The following ZSWIM6 variants were observed in gnomAD, a reference collection of about 807,000 sequenced individuals.
The protein encoded by ZSWIM6 is zinc finger SWIM domain-containing protein 6.
Under a neutral mutation model 113.2 loss-of-function variants are expected in ZSWIM6, and 9 were observed. That is an observed-to-expected ratio of 0.08 (90% confidence interval 0.05 to 0.14). The LOEUF (loss-of-function observed/expected upper bound fraction) is 0.14, where lower values mean the gene tolerates loss of function less well. ZSWIM6 is among the 10% of genes least tolerant of loss of function. ZSWIM6 has a pLI of 1.00. For missense variants in ZSWIM6, 1,162 were observed against 1,552.2 expected, an observed-to-expected ratio of 0.75 and a Z score of 4.22; for synonymous variants, 611 against 606.5, an observed-to-expected ratio of 1.01 and a Z score of -0.11.
intron 7 of ZSWIM6, among the ~76,000 whole-genome samples, chr5:61,527,541 T>A (rs531402507): frequency 6.6e-6 from 1 of 152,208 alleles, no homozygotes; most frequent in Non-Finnish European, 1.5e-5. Flanking sequence ...AGAGCCCCGA[T>A]TGTCGTGACT....
At position 61,375,243 on chromosome 5, in the gene ZSWIM6, AAAAGAGCAACT is replaced by A. The variant is rs1207561214; in HGVS notation, c.676+42297_676+42307del. The A allele has an allele frequency of 8.1e-5, 131 of 1,613,102 alleles. 1 individual carries two copies. In the East Asian group the frequency reaches 2.8e-3, roughly 35 times the overall value. Reference sequence around the variant, plus strand: ...GACCAAGGCCTACCTGGGAAGAAGTAAAAGAGCAACTAGAAAAGGAAAAGAAAGGCTCCAAG... The same window carrying A: ...GACCAAGGCCTACCTGGGAAGAAGTAAGAAAAGGAAAAGAAAGGCTCCAAG... On this transcript the variant is annotated intron_variant, in intron 1 of 13. Transcript: ENST00000252744.
chr5:61,473,837 T>G (rs1747641608), intron 2 of ZSWIM6, among the ~76,000 whole-genome samples: 2 of 152,218 alleles, frequency 1.3e-5, no homozygotes, highest in Admixed American at 1.3e-4. Context: ...ATTTCTTTAT[T>G]TATATTGATT....
chr5:61,489,695 T>A (rs908228665), intron 2 of ZSWIM6, among the ~76,000 whole-genome samples: 19 of 152,146 alleles, frequency 1.2e-4, no homozygotes, highest in African/African-American at 3.9e-4. Flanking sequence ...GGACAGGAAT[T>A]CTGTCTAGTT....
intron 4 of ZSWIM6, among the ~76,000 whole-genome samples, chr5:61,505,940 G>A (rs889123995): frequency 1.3e-5 from 2 of 151,444 alleles, no homozygotes; most frequent in African/African-American, 4.9e-5. Context: ...TAGAGATGGG[G>A]TTTCACCATG....
intron 1 of ZSWIM6, among the ~76,000 whole-genome samples, chr5:61,437,382 T>C (rs1229242157): frequency 6.6e-6 from 1 of 152,114 alleles, no homozygotes. Flanking sequence ...TTGCTACTGA[T>C]CTACATCACA....
intron 1 of ZSWIM6, among the ~76,000 whole-genome samples, chr5:61,468,662 G>C (rs188791900): frequency 1.3e-5 from 2 of 152,260 alleles, no homozygotes; most frequent in Admixed American, 1.3e-4. Context: ...AACCTAAGAG[G>C]TATGACCAGC....
chr5:61,366,018 A>G (rs1745142392), intron 1 of ZSWIM6, among the ~76,000 whole-genome samples: 1 of 151,744 alleles, frequency 6.6e-6, no homozygotes, highest in Non-Finnish European at 1.5e-5. Context: ...TGATCCTCCC[A>G]CCAGTAGCTG....
In ZSWIM6 at chr5:61,483,576, TATATA is replaced by T. The variant is rs1373845738; in HGVS notation, c.1034-7206_1034-7202del. 2.0e-5 allele frequency among the ~76,000 whole-genome samples: 3 copies of T among 152,100 alleles called. No homozygotes were observed. In the East Asian group the frequency reaches 5.8e-4, roughly 29 times the overall value. ...TTTAAAATCTGTCATATTTTAAAAA[TATATA>T]ATAGTGTCTGGGTATGGTGGCTCAC... On this transcript the variant is annotated intron_variant, in intron 2 of 13. Coordinates refer to ENST00000252744, the MANE Select transcript of ZSWIM6 (RefSeq NM_020928.2).
chr5:61,524,553 G>A (rs765897835), intron 5 of ZSWIM6, among the ~76,000 whole-genome samples: 3 of 152,152 alleles, frequency 2.0e-5, no homozygotes, highest in Non-Finnish European at 2.9e-5. Context: ...CTGATGGTGT[G>A]ACCTTGGCAA....
intron 2 of ZSWIM6, among the ~76,000 whole-genome samples, chr5:61,490,347 A>G (rs1184504881): frequency 3.3e-5 from 5 of 152,100 alleles, no homozygotes; most frequent in African/African-American, 1.2e-4. Context: ...AGCAGCAGAT[A>G]ATGGTGAAAA....
chr5:61,484,612 A>G (rs1185187867), intron 2 of ZSWIM6, among the ~76,000 whole-genome samples: 4 of 152,226 alleles, frequency 2.6e-5, no homozygotes, highest in African/African-American at 9.6e-5. Flanking sequence ...TGTAGAATCA[A>G]AAAGATGGGA....
chr5:61,398,174 G>A (rs1371303974), intron 1 of ZSWIM6, among the ~76,000 whole-genome samples: 3 of 152,158 alleles, frequency 2.0e-5, no homozygotes, highest in Non-Finnish European at 2.9e-5. Flanking sequence ...GGTCCCTGGC[G>A]TTCTAGGAAC....
chr5:61,448,846 C>T (rs1305333801), intron 1 of ZSWIM6, among the ~76,000 whole-genome samples: 3 of 152,106 alleles, frequency 2.0e-5, no homozygotes, highest in East Asian at 3.9e-4. Flanking sequence ...ACTAGAAATA[C>T]TGAAGTAGTC....
At chr5:61,374,811 T>C (rs1296003959) in intron 1 of ZSWIM6, among the ~76,000 whole-genome samples, 1 of 152,150 alleles carries the variant, frequency 6.6e-6, no homozygotes, top group Non-Finnish European at 1.5e-5. Context: ...CGCCTCGGCC[T>C]CCCAAAGTGT....
At chr5:61,369,814 C>G (rs1745227964) in intron 1 of ZSWIM6, among the ~76,000 whole-genome samples, 1 of 152,130 alleles carries the variant, frequency 6.6e-6, no homozygotes. Flanking sequence ...TTAAGATTTG[C>G]AATATTACTA....
At chr5:61,407,038 G>A (rs1746056980) in intron 1 of ZSWIM6, among the ~76,000 whole-genome samples, 4 of 152,258 alleles carry the variant, frequency 2.6e-5, no homozygotes. Context: ...AAAGGATTTA[G>A]TTTCATTTAA....
In ZSWIM6 at chr5:61,541,657, G is replaced by A. The variant is rs1199773486; in HGVS notation, c.2704-227G>A. On this transcript the variant is annotated intron_variant, in intron 12 of 13. Coordinates refer to ENST00000252744, the MANE Select transcript of ZSWIM6 (RefSeq NM_020928.2). ...ATCTAGTCAGTGGGCCCACCAGGAG[G>A]AGAATATGGGCCTCTTGCCAGGAGG... is the stretch of plus-strand genomic sequence containing the variant. 2.0e-5 allele frequency among the ~76,000 whole-genome samples: 3 copies of A among 152,178 alleles called. No individual in the cohort carries two copies. In the East Asian group the frequency reaches 5.8e-4, roughly 29 times the overall value.
chr5:61,463,586 G>A (rs1325418291), intron 1 of ZSWIM6, among the ~76,000 whole-genome samples: 1 of 152,188 alleles, frequency 6.6e-6, no homozygotes, highest in African/African-American at 2.4e-5. Context: ...TGCCAAGAGT[G>A]TGTGTGTGTT....
At chr5:61,334,914 C>T (rs1222445772) in intron 1 of ZSWIM6, among the ~76,000 whole-genome samples, 7 of 151,568 alleles carry the variant, frequency 4.6e-5, no homozygotes, top group Non-Finnish European at 1.0e-4. Flanking sequence ...TTTCCCCCTC[C>T]CTCTCCCTGT....
Sources: allele counts gnomAD v4.1 joint callset (sites outside exome capture counted in the v4.1 genomes callset), GRCh38; gene constraint gnomAD v4.1.1; transcripts MANE v1.5; gene names NCBI Gene and HGNC (gene_info 2026-07-23, HGNC 2026-07-21).